DOCK3: variants seen among roughly 807,000 people sequenced by gnomAD.
DOCK3 encodes dedicator of cytokinesis protein 3.
In DOCK3, 60 loss-of-function variants were observed where a neutral mutation model predicts 265.6. The ratio of observed to expected loss-of-function variants is 0.23; its 90% CI spans 0.18 to 0.28. DOCK3 has a LOEUF of 0.28. Ranked by LOEUF, DOCK3 falls within the 10% of genes least tolerant of loss-of-function variation. The probability of loss-of-function intolerance (pLI) is 1.00; values close to 1 mark genes in which losing one functional copy is unlikely to be tolerated. For missense variants in DOCK3, 1,981 were observed against 2,594.3 expected, an observed-to-expected ratio of 0.76 and a Z score of 5.14; for synonymous variants, 881 against 938.0, an observed-to-expected ratio of 0.94 and a Z score of 1.11.
intron 9 of DOCK3, among the ~76,000 whole-genome samples, chr3:51,118,465 C>G (rs1032534067): frequency 1.3e-5 from 2 of 152,134 alleles, no homozygotes; most frequent in Non-Finnish European, 2.9e-5. Flanking sequence ...CTGTCTATGT[C>G]TATTAGGTTT....
chr3:50,888,353 A>G (rs2048450306), intron 3 of DOCK3, among the ~76,000 whole-genome samples: 1 of 152,176 alleles, frequency 6.6e-6, no homozygotes, highest in Non-Finnish European at 1.5e-5. Context: ...GCTCAAGGAA[A>G]TAAGAGAGGA....
chr3:50,759,328 G>A (rs1029286479), intron 1 of DOCK3, among the ~76,000 whole-genome samples: 1 of 151,888 alleles, frequency 6.6e-6, no homozygotes, highest in Non-Finnish European at 1.5e-5. Context: ...ATCCCCACCA[G>A]CAATGCAAAA....
chr3:51,201,330 A>T (rs1233929158), intron 12 of DOCK3, among the ~76,000 whole-genome samples: 1 of 151,756 alleles, frequency 6.6e-6, no homozygotes, highest in Non-Finnish European at 1.5e-5. Flanking sequence ...ATGGAGGAAG[A>T]TCTACCAAGC....
At chr3:51,022,920 A>T (rs1373745423) in intron 5 of DOCK3, among the ~76,000 whole-genome samples, 1 of 152,176 alleles carries the variant, frequency 6.6e-6, no homozygotes, top group Non-Finnish European at 1.5e-5. Flanking sequence ...TTTTCCCAAC[A>T]TCATTTATTT....
Position 51,348,948 on chromosome 3 carries a change from G to GCCCCT in DOCK3, c.4002+15_4002+19dup. The GCCCCT allele has an allele frequency of 6.4e-7, 1 of 1,558,310 alleles. No individual in the cohort carries two copies. The highest frequency in any genetic ancestry group is 8.7e-7 in the Non-Finnish European group (1 of 1,151,040). On this transcript the variant is annotated intron_variant, in intron 39 of 52. Coordinates refer to ENST00000266037, the MANE Select transcript of DOCK3 (RefSeq NM_004947.5). ...CCTCAGCTGGATTCGGGTGAGCTGTGCCCCTCCCCCCACCCCAGCCCTGAC... is the reference window on the plus strand; with the variant it reads ...CCTCAGCTGGATTCGGGTGAGCTGTGCCCCTCCCCTCCCCCCACCCCAGCCCTGAC...
intron 45 of DOCK3, 57 bp from the exon 46 acceptor site, chr3:51,357,904 G>A: frequency 6.2e-7 from 1 of 1,613,420 alleles, no homozygotes; most frequent in Non-Finnish European, 8.5e-7. Context: ...TACAAGATGA[G>A]CAGTTCTCAG....
At chr3:51,155,366 A>C (rs1463633548) in intron 10 of DOCK3, among the ~76,000 whole-genome samples, 1 of 152,194 alleles carries the variant, frequency 6.6e-6, no homozygotes, top group Non-Finnish European at 1.5e-5. Context: ...TATCTTAGCC[A>C]GGATTTTTAT....
chr3:50,842,307 A>T (rs1278410114), intron 3 of DOCK3, among the ~76,000 whole-genome samples: 1 of 152,180 alleles, frequency 6.6e-6, no homozygotes, highest in Non-Finnish European at 1.5e-5. Context: ...TAATATTATC[A>T]GCTTTTCTTG....
intron 1 of DOCK3, among the ~76,000 whole-genome samples, chr3:50,707,827 T>C (rs566088539): frequency 1.3e-4 from 19 of 151,962 alleles, no homozygotes; most frequent in Non-Finnish European, 2.4e-4. Context: ...TGGGCCCCGA[T>C]TGGTGTGCAT....
chr3:51,227,516 A>G, intron 16 of DOCK3, 71 bp downstream of exon 16: 3 of 1,569,848 alleles, frequency 1.9e-6, no homozygotes, highest in Middle Eastern at 1.7e-4. Flanking sequence ...CTTGAACAGA[A>G]TTAAGTGGAT....
At chr3:51,178,135 C>G (rs900736039) in intron 12 of DOCK3, among the ~76,000 whole-genome samples, 10 of 149,634 alleles carry the variant, frequency 6.7e-5, no homozygotes, top group African/African-American at 2.5e-4. Context: ...TAATCAAATA[C>G]AAACAATGAA....
At chr3:51,128,901 A>G (rs979570128) in intron 9 of DOCK3, among the ~76,000 whole-genome samples, 3 of 152,208 alleles carry the variant, frequency 2.0e-5, no homozygotes, top group African/African-American at 4.8e-5. Flanking sequence ...GGCTAGGGAA[A>G]GAGGCTGAGT....
chr3:51,328,640 C>A (rs1007460443), intron 32 of DOCK3, among the ~76,000 whole-genome samples: 5 of 149,894 alleles, frequency 3.3e-5, no homozygotes, highest in African/African-American at 4.9e-5. Flanking sequence ...ATATTTATTT[C>A]TCTGTCCTCA....
intron 9 of DOCK3, among the ~76,000 whole-genome samples, chr3:51,102,587 G>A (rs1445957696): frequency 6.6e-6 from 1 of 152,222 alleles, no homozygotes; most frequent in Non-Finnish European, 1.5e-5. Flanking sequence ...AGTAAGCTGT[G>A]TGGCTGTTGT....
intron 3 of DOCK3, among the ~76,000 whole-genome samples, chr3:50,858,019 T>G (rs2046696181): frequency 6.6e-6 from 1 of 152,174 alleles, no homozygotes; most frequent in South Asian, 2.1e-4. Flanking sequence ...CAAAAACTTG[T>G]AACCAACCCA....
intron 5 of DOCK3, among the ~76,000 whole-genome samples, chr3:51,049,138 C>T (rs914167269): frequency 6.6e-6 from 1 of 152,058 alleles, no homozygotes; most frequent in African/African-American, 2.4e-5. Flanking sequence ...CCAGCCTGGG[C>T]AACATGGCAA....
At chr3:50,923,700 T>C (rs1356318637) in intron 4 of DOCK3, among the ~76,000 whole-genome samples, 1 of 152,226 alleles carries the variant, frequency 6.6e-6, no homozygotes, top group Non-Finnish European at 1.5e-5. Flanking sequence ...CATGTTTCTC[T>C]ACCTGGTCAC....
At chr3:50,746,413 A>G (rs111968834) in intron 1 of DOCK3, among the ~76,000 whole-genome samples, 101 of 152,228 alleles carry the variant, frequency 6.6e-4, no homozygotes, top group African/African-American at 2.4e-3. Context: ...AGCGGATGAT[A>G]TCTAATTTAT....
intron 49 of DOCK3, among the ~76,000 whole-genome samples, chr3:51,371,376 A>C (rs138644914): frequency 7.2e-5 from 11 of 152,336 alleles, no homozygotes; most frequent in Admixed American, 3.3e-4. Flanking sequence ...AGTAAGAAAG[A>C]AAGCAAGTCC....
Sources: allele counts gnomAD v4.1 joint callset (sites outside exome capture counted in the v4.1 genomes callset), GRCh38; gene constraint gnomAD v4.1.1; transcripts MANE v1.5; gene names NCBI Gene and HGNC (gene_info 2026-07-23, HGNC 2026-07-21).